The following SIK2 variants were observed in gnomAD, a reference collection of about 807,000 sequenced individuals.
SIK2 encodes the protein salt inducible kinase 2.
SIK2 carries 29 observed loss-of-function variants against 103.2 expected under a neutral mutation model. The ratio of observed to expected loss-of-function variants is 0.28; its 90% CI spans 0.21 to 0.38. The LOEUF (loss-of-function observed/expected upper bound fraction) is 0.38, where lower values mean the gene tolerates loss of function less well. Ranked by LOEUF, SIK2 falls within the 10% of genes least tolerant of loss-of-function variation. SIK2 has a pLI of 1.00. For synonymous variants in SIK2, 412 were observed against 446.1 expected (o/e 0.92, Z 0.96); for missense variants, 879 against 1,171.0 (o/e 0.75, Z 3.64).
At chr11:111,620,810 G>C (rs1941872938) in intron 3 of SIK2, among the ~76,000 whole-genome samples, 1 of 152,200 alleles carries the variant, frequency 6.6e-6, no homozygotes, top group Non-Finnish European at 1.5e-5. Context: ...CACAATCTCT[G>C]TTATTGTGGA....
intron 2 of SIK2, among the ~76,000 whole-genome samples, chr11:111,618,832 G>A (rs981308460): frequency 6.6e-6 from 1 of 152,140 alleles, no homozygotes; most frequent in Non-Finnish European, 1.5e-5. Context: ...ATGGACTCAA[G>A]TGATCTTCCT....
chr11:111,712,416 G>A lies in SIK2; in HGVS notation c.1266+41G>A, dbSNP rs374682644. ...AGAGTCTCAGAACTGGCAGTTTGGC[G>A]AGAGATTTCAGTTTGGTCCACAAGT... On this transcript the variant is annotated intron_variant, in intron 9 of 14. Transcript: ENST00000304987. 159 of 1,581,908 alleles carry A rather than the reference G, an allele frequency of 1.0e-4. No individual in the cohort carries two copies. The Middle Eastern group carries it at 2.7e-3, about 27-fold the overall frequency.
At chr11:111,650,486 A>G (rs1269336035) in intron 3 of SIK2, among the ~76,000 whole-genome samples, 1 of 152,138 alleles carries the variant, frequency 6.6e-6, no homozygotes, top group Non-Finnish European at 1.5e-5. Context: ...TTGTGCACTC[A>G]ATGCAGAAAT....
intron 2 of SIK2, among the ~76,000 whole-genome samples, chr11:111,620,058 A>C (rs1426390563): frequency 6.6e-6 from 1 of 152,196 alleles, no homozygotes; most frequent in Admixed American, 6.5e-5. Context: ...ATTCCAATTC[A>C]GTATGTCTGG....
intron 1 of SIK2, among the ~76,000 whole-genome samples, chr11:111,608,543 T>C (rs1306892684): frequency 6.6e-6 from 1 of 152,266 alleles, no homozygotes; most frequent in Non-Finnish European, 1.5e-5. Flanking sequence ...TTTATATGTA[T>C]GTAATAAAAT....
At chr11:111,680,347 T>A (rs1942761294) in intron 3 of SIK2, among the ~76,000 whole-genome samples, 1 of 152,146 alleles carries the variant, frequency 6.6e-6, no homozygotes, top group African/African-American at 2.4e-5. Context: ...TTCAAATTTA[T>A]AACTAGAATT....
In SIK2 at chr11:111,720,624, A is replaced by G. The variant is rs1351307924; in HGVS notation, c.1642A>G (p.Met548Val). Residue 548 changes from methionine to valine, a missense_variant, in exon 11 of 15, where the codon ATG becomes GTG. Transcript: ENST00000304987. ...IMLANQPSPR[M>V]TSPFISLRPT... ...GTTAGCCAATCAGCCTTCACCCCGC[A>G]TGACATCTCCCTTCATAAGCCTGAG... The G allele has an allele frequency of 1.1e-5, 17 of 1,613,946 alleles. No homozygotes were observed. The highest frequency in any genetic ancestry group is 1.4e-5 in the Non-Finnish European group (16 of 1,180,018).
intron 9 of SIK2, among the ~76,000 whole-genome samples, chr11:111,714,679 A>G (rs1591641038): frequency 6.6e-6 from 1 of 152,290 alleles, no homozygotes; most frequent in East Asian, 1.9e-4. Context: ...AGAAATGGAG[A>G]ACTAAAGGCA....
chr11:111,676,087 A>G (rs942454363), intron 3 of SIK2, among the ~76,000 whole-genome samples: 2 of 152,204 alleles, frequency 1.3e-5, no homozygotes, highest in African/African-American at 4.8e-5. Flanking sequence ...TGCAAAGGAT[A>G]GTATTTCCTC....
chr11:111,626,526 C>A (rs569960249), intron 3 of SIK2, among the ~76,000 whole-genome samples: 1 of 151,884 alleles, frequency 6.6e-6, no homozygotes, highest in Non-Finnish European at 1.5e-5. Flanking sequence ...CTAGGAGGTC[C>A]CCATCTCTAT....
chr11:111,624,318 A>G (rs144443256), intron 3 of SIK2, among the ~76,000 whole-genome samples: 449 of 152,230 alleles, frequency 2.9e-3, no homozygotes, highest in Admixed American at 9.9e-3. Flanking sequence ...ATATGCTACT[A>G]CTTAATAAGC....
chr11:111,703,599 AT>A (rs934307377), intron 7 of SIK2, among the ~76,000 whole-genome samples, 176 bp downstream of exon 7: 6 of 152,220 alleles, frequency 3.9e-5, no homozygotes, highest in African/African-American at 1.4e-4. Context: ...AGCATCTTAA[AT>A]TCCTTTCTTT....
intron 3 of SIK2, among the ~76,000 whole-genome samples, chr11:111,656,572 A>G (rs1942394546): frequency 6.6e-6 from 1 of 152,204 alleles, no homozygotes; most frequent in Non-Finnish European, 1.5e-5. Context: ...GAAACTCATT[A>G]AGGTTAATGG....
rs757907006 is a variant in SIK2, at chr11:111,726,832, C to T, written c.*2703C>T. ...GTGTACACTACTGTATCATCATCAG[C>T]TTCATCACCCTGTAAACCAGGCTCC... On this transcript the variant is annotated 3_prime_UTR_variant, in exon 15 of 15. Coordinates refer to ENST00000304987, the MANE Select transcript of SIK2 (RefSeq NM_015191.3). The T allele has an allele frequency of 7.6e-5, 58 of 759,934 alleles. No individual in the cohort carries two copies. The highest frequency in any genetic ancestry group is 1.2e-4 in the Non-Finnish European group (55 of 448,050). The allele number at this position is 759,934 out of a possible 1,614,324, so 47.1% of individuals were successfully genotyped here. A position where few individuals can be genotyped will look rare whatever the true frequency, so the allele number is the denominator to read the frequency against.
At chr11:111,647,366 C>T (rs1456510810) in intron 3 of SIK2, among the ~76,000 whole-genome samples, 1 of 152,070 alleles carries the variant, frequency 6.6e-6, no homozygotes, top group Non-Finnish European at 1.5e-5. Flanking sequence ...AATCATCAAT[C>T]AGATTTTTTT....
chr11:111,637,691 G>T (rs375479404), intron 3 of SIK2, among the ~76,000 whole-genome samples: 2 of 151,854 alleles, frequency 1.3e-5, no homozygotes, highest in Non-Finnish European at 2.9e-5. Flanking sequence ...CAAACTCCTG[G>T]TCTCAAGCAA....
At chr11:111,627,783 C>T (rs1941979947) in intron 3 of SIK2, among the ~76,000 whole-genome samples, 1 of 151,998 alleles carries the variant, frequency 6.6e-6, no homozygotes, top group Non-Finnish European at 1.5e-5. Context: ...GTTATGTTCC[C>T]AATGTTTTTT....
intron 3 of SIK2, among the ~76,000 whole-genome samples, chr11:111,680,121 CAA>C (rs796715615): frequency 1.5e-5 from 2 of 133,768 alleles, no homozygotes; most frequent in Admixed American, 7.6e-5. Context: ...GACTCCATCT[CAA>C]AAAAAAAAAG....
chr11:111,658,682 A>G (rs762672896), intron 3 of SIK2, among the ~76,000 whole-genome samples: 1 of 152,112 alleles, frequency 6.6e-6, no homozygotes, highest in Non-Finnish European at 1.5e-5. Context: ...TCAAGGATGC[A>G]GTGAGCCATG....
Sources: gnomAD v4.1 joint callset for allele counts (sites outside exome capture counted in the v4.1 genomes callset) on GRCh38, gnomAD v4.1.1 for gene constraint, MANE v1.5 for transcripts, NCBI Gene and HGNC (gene_info 2026-07-23, HGNC 2026-07-21) for gene names.